The following SLC8A1 variants were observed in gnomAD, a reference collection of about 807,000 sequenced individuals.
SLC8A1 encodes the protein solute carrier family 8 member A1.
In SLC8A1, 18 loss-of-function variants were observed where a neutral mutation model predicts 68.3. That is an observed-to-expected ratio of 0.26 (90% CI 0.18 to 0.39). The LOEUF (loss-of-function observed/expected upper bound fraction) is 0.39, where lower values mean the gene tolerates loss of function less well. Among genes scored for constraint, SLC8A1 ranks in the 10% least tolerant of loss-of-function variants. The pLI, the probability that SLC8A1 is intolerant of heterozygous loss-of-function variation, is 1.00. For synonymous variants in SLC8A1, 475 were observed against 415.5 expected (o/e 1.14, Z -1.74); for missense variants, 985 against 1,156.7 (o/e 0.85, Z 2.15).
At chr2:40,213,695 A>T (rs1268963502) in intron 2 of SLC8A1, among the ~76,000 whole-genome samples, 2 of 152,158 alleles carry the variant, frequency 1.3e-5, no homozygotes, top group Non-Finnish European at 2.9e-5. Flanking sequence ...TTCAAAAGTG[A>T]TCATTTTACT....
chr2:40,117,580 A>T (rs13022017), intron 7 of SLC8A1, among the ~76,000 whole-genome samples: 20,904 of 151,040 alleles, frequency 0.14, 1,578 homozygotes, highest in Admixed American at 0.19. Flanking sequence ...AAAAAAAAAA[A>T]TCAAATAAAG....
At chr2:40,357,679 T>G (rs1673147574) in intron 2 of SLC8A1, among the ~76,000 whole-genome samples, 1 of 151,950 alleles carries the variant, frequency 6.6e-6, no homozygotes, top group Non-Finnish European at 1.5e-5. Flanking sequence ...ATCCGAGAAC[T>G]TAAAGTATAA....
chr2:40,275,875 A>G (rs1286954939), intron 2 of SLC8A1, among the ~76,000 whole-genome samples: 3 of 152,108 alleles, frequency 2.0e-5, no homozygotes, highest in Non-Finnish European at 4.4e-5. Context: ...GTGGTTTCCT[A>G]TTCCAGGCTT....
At chr2:40,450,259 T>C (rs1167968970) in intron 1 of SLC8A1, among the ~76,000 whole-genome samples, 1 of 152,174 alleles carries the variant, frequency 6.6e-6, no homozygotes, top group African/African-American at 2.4e-5. Flanking sequence ...TTTGTCTTCT[T>C]ATTTGAAATG....
Position 40,404,188 on chromosome 2 carries a change from C to A in SLC8A1, c.1808+24285G>T, listed in dbSNP as rs114347403. Among the ~76,000 whole-genome samples, 488 of 152,256 alleles carry A rather than the reference C, an allele frequency of 3.2e-3. 3 individuals are homozygous for A. The highest frequency in any genetic ancestry group is 0.011 in the African/African-American group (469 of 41,560). ...AGGATTACAGGCTTCAGCCACTGCA[C>A]CCAGCCTAGCATAATTCTCTATAGC... On this transcript the variant is annotated intron_variant, in intron 2 of 7. Coordinates refer to ENST00000406785, the Ensembl canonical transcript of SLC8A1.
intron 2 of SLC8A1, among the ~76,000 whole-genome samples, chr2:40,237,433 T>C (rs4952598): frequency 0.81 from 121,592 of 150,902 alleles, 49,690 homozygotes; most frequent in Admixed American, 0.87. Flanking sequence ...ACGTAGTTCT[T>C]GAGCCTTGGT....
chr2:40,426,320 T>G (rs560144065), intron 2 of SLC8A1, among the ~76,000 whole-genome samples: 44 of 152,044 alleles, frequency 2.9e-4, no homozygotes, highest in African/African-American at 1.0e-3. Flanking sequence ...TATATAGAGA[T>G]GGCATGAATT....
rs117335856 is a variant in SLC8A1 at position 40,140,472 on chromosome 2, G to A, written c.2162-796C>T. On this transcript the variant is annotated intron_variant, in intron 6 of 7. Coordinates refer to ENST00000406785, the Ensembl canonical transcript of SLC8A1. Reference sequence around the variant, plus strand: ...GAGCTTCCCAACACTTGTAACTCTGGATCAGTGGTTCTCACAATGTGCTTC... The same window carrying A: ...GAGCTTCCCAACACTTGTAACTCTGAATCAGTGGTTCTCACAATGTGCTTC... 3.3e-3 allele frequency among the ~76,000 whole-genome samples: 505 copies of A among 152,218 alleles called. 21 individuals carry two copies. The East Asian group carries it at 0.088, about 26-fold the overall frequency.
chr2:40,186,363 C>CT (rs11284238), intron 2 of SLC8A1, among the ~76,000 whole-genome samples: 2 of 151,830 alleles, frequency 1.3e-5, no homozygotes, highest in African/African-American at 4.8e-5. Flanking sequence ...ATTTTTAAGC[C>CT]TTTTTTTCCT....
intron 5 of SLC8A1, among the ~76,000 whole-genome samples, chr2:40,164,517 G>C (rs902513124): frequency 1.3e-5 from 2 of 152,130 alleles, no homozygotes; most frequent in African/African-American, 4.8e-5. Flanking sequence ...AATAGAACTT[G>C]GTTTCTTCCA....
chr2:40,199,011 G>C (rs1449942196), intron 2 of SLC8A1, among the ~76,000 whole-genome samples: 1 of 151,400 alleles, frequency 6.6e-6, no homozygotes, highest in Admixed American at 6.6e-5. Flanking sequence ...TAAGCTTCTT[G>C]ATGGAAGGCA....
intron 2 of SLC8A1, among the ~76,000 whole-genome samples, chr2:40,278,863 G>T (rs1234165190): frequency 6.6e-6 from 1 of 151,952 alleles, no homozygotes; most frequent in African/African-American, 2.4e-5. Context: ...TTATTAAAAG[G>T]TTTTTTTTAA....
At chr2:40,113,658 T>A (rs1572694375) in exon 8 of SLC8A1, 1 of 152,340 alleles carries the variant, frequency 6.6e-6, no homozygotes, top group East Asian at 1.9e-4. Flanking sequence ...AGTAAAAAAA[T>A]AAAATGAACA....
At chr2:40,312,931 C>T (rs2073924890) in intron 2 of SLC8A1, among the ~76,000 whole-genome samples, 1 of 151,934 alleles carries the variant, frequency 6.6e-6, no homozygotes, top group Non-Finnish European at 1.5e-5. Flanking sequence ...TGCGATAAAT[C>T]TAATGGGTTT....
chr2:40,503,796 G>A (rs1470431810), intron 1 of SLC8A1, among the ~76,000 whole-genome samples: 1 of 151,842 alleles, frequency 6.6e-6, no homozygotes, highest in Non-Finnish European at 1.5e-5. Flanking sequence ...TTGATGAAAG[G>A]AATTGAAGAG....
chr2:40,157,995 T>C (rs1053912262), intron 6 of SLC8A1, among the ~76,000 whole-genome samples: 3 of 152,226 alleles, frequency 2.0e-5, no homozygotes, highest in African/African-American at 7.2e-5. Flanking sequence ...CAGGGTTGAC[T>C]TTGAAACCAG....
chr2:40,139,373 G>A lies in SLC8A1; in HGVS notation c.2437+28C>T. The A allele has an allele frequency of 2.5e-6, 4 of 1,609,680 alleles. No homozygotes were observed. In the South Asian group the frequency reaches 3.3e-5, roughly 13 times the overall value. ...AAGGCAAATGAACTTCTGCTACTGG[G>A]GGAATTATACATGAATGTAATTTGT... On this transcript the variant is annotated intron_variant, in intron 7 of 7. Coordinates refer to ENST00000406785, the Ensembl canonical transcript of SLC8A1.
At chr2:40,455,193 G>A (rs1702927627), upstream of SLC8A1, among the ~76,000 whole-genome samples, 1 of 152,144 alleles carries the variant, frequency 6.6e-6, no homozygotes, top group Non-Finnish European at 1.5e-5. Flanking sequence ...CTCATTTTCA[G>A]ACCAAGTGTA....
chr2:40,340,753 T>G (rs1667436722), intron 2 of SLC8A1, among the ~76,000 whole-genome samples: 1 of 152,072 alleles, frequency 6.6e-6, no homozygotes, highest in African/African-American at 2.4e-5. Context: ...CTTGCTAAAT[T>G]GAAAGCTGGG....
Sources: gnomAD v4.1 joint callset for allele counts (sites outside exome capture counted in the v4.1 genomes callset) on GRCh38, gnomAD v4.1.1 for gene constraint, MANE v1.5 for transcripts, NCBI Gene and HGNC (gene_info 2026-07-23, HGNC 2026-07-21) for gene names.